Variants in PPM1F observed in about 807,000 individuals in gnomAD.
PPM1F encodes the protein protein phosphatase, Mg2+/Mn2+ dependent 1F, also known as protein phosphatase 1F.
Under a neutral mutation model 35.5 loss-of-function variants are expected in PPM1F, and 17 were observed. The observed-to-expected ratio is 0.48, with a 90% confidence interval of 0.33 to 0.72. The LOEUF is 0.72. PPM1F is among the 30% of genes least tolerant of loss of function. PPM1F has a pLI of 0.02. For synonymous variants in PPM1F, 241 were observed against 255.5 expected (o/e 0.94, Z 0.54); for missense variants, 521 against 613.0 (o/e 0.85, Z 1.59).
chr22:21,938,153 G>T (rs1181637605), intron 3 of PPM1F: 25 of 1,302,854 alleles, frequency 1.9e-5, no homozygotes, highest in African/African-American at 3.0e-5. Context: ...GCCTGCAGGA[G>T]CCCCGAGCGT....
intron 5 of PPM1F, among the ~76,000 whole-genome samples, chr22:21,933,144 C>G (rs918300679): frequency 6.6e-6 from 1 of 152,232 alleles, no homozygotes. Context: ...TTCCCCGAGG[C>G]CAGCAGACCC....
At chr22:21,925,873 C>T in intron 6 of PPM1F, 1 of 463,446 alleles carries the variant, frequency 2.2e-6, no homozygotes, top group African/African-American at 2.0e-5. Flanking sequence ...CCTTTAGTTG[C>T]AGGAATGGTG....
In PPM1F at chr22:21,923,122, T is replaced by C. The variant is rs1438048968; in HGVS notation, c.1335A>G (p.Glu445=). Residue 445 remains glutamate, a synonymous_variant, in exon 8 of 8, where the codon GAA becomes GAG. Transcript: ENST00000263212. The part of the protein sequence containing the change: ...RRQDLPSSLP[E]PETQAPPRS Reference sequence around the variant, plus strand: ...TTCTTGGTGGAGCCTGGGTCTCAGGTTCTGGAAGGCTGGAGGGCAAGTCCT... The same window carrying C: ...TTCTTGGTGGAGCCTGGGTCTCAGGCTCTGGAAGGCTGGAGGGCAAGTCCT... The C allele has an allele frequency of 6.2e-7, 1 of 1,611,346 alleles. No homozygotes were observed. The highest frequency in any genetic ancestry group is 1.1e-5 in the South Asian group (1 of 90,882).
At chr22:21,927,827 C>T (rs925926497) in intron 6 of PPM1F, among the ~76,000 whole-genome samples, 3 of 152,198 alleles carry the variant, frequency 2.0e-5, no homozygotes, top group Admixed American at 2.0e-4. Context: ...CCACCTCCGT[C>T]ACACACTGGC....
intron 4 of PPM1F, 33 bp from the exon 5 acceptor site, chr22:21,933,612 C>A (rs778027980): frequency 3.8e-6 from 6 of 1,585,966 alleles, no homozygotes; most frequent in Middle Eastern, 1.7e-4. Context: ...CACAGACCCG[C>A]GGGACCCAGG....
At chr22:21,947,695 C>A (rs2070790774) in intron 1 of PPM1F, 1 of 152,174 alleles carries the variant, frequency 6.6e-6, no homozygotes, top group Admixed American at 6.5e-5. Context: ...AGAATAGCCA[C>A]AGACTCTGCC....
In PPM1F at chr22:21,945,772, C is replaced by T. The variant is rs1336675308; in HGVS notation, c.206+71G>A. On this transcript the variant is annotated intron_variant, in intron 2 of 7. Transcript: ENST00000263212. Reference sequence around the variant, plus strand: ...TGGGGCTGGACGTGTAGGGGAGCAGCAGCCACATCCCTTGTCGGCCCTGGT... The same window carrying T: ...TGGGGCTGGACGTGTAGGGGAGCAGTAGCCACATCCCTTGTCGGCCCTGGT... The T allele has an allele frequency of 8.1e-6, 12 of 1,489,158 alleles. No homozygotes were observed. In the South Asian group the frequency reaches 1.3e-4, roughly 16 times the overall value. The allele number at this position is 1,489,158 out of a possible 1,614,324, so 92.2% of individuals were successfully genotyped here.
chr22:21,948,941 C>T (rs2145810117), intron 1 of PPM1F: 1 of 152,632 alleles, frequency 6.6e-6, no homozygotes, highest in South Asian at 2.1e-4. Context: ...TGCCTCCTGA[C>T]CTTGGGGTAC....
chr22:21,925,724 TG>T, intron 6 of PPM1F, 62 bp from the exon 7 acceptor site: 1 of 1,371,218 alleles, frequency 7.3e-7, no homozygotes, highest in Non-Finnish European at 9.9e-7. Context: ...AGCCCCCTGC[TG>T]CTACCTGAGC....
Position 21,934,082 on chromosome 22 carries a change from C to A in PPM1F, c.500G>T (p.Arg167Leu). 6.4e-7 allele frequency: 1 copy of A among 1,564,792 alleles called. No individual in the cohort carries two copies. The highest frequency in any genetic ancestry group is 8.7e-7 in the Non-Finnish European group (1 of 1,154,606). ...GGACACGTGCCGGTCCTCCATCTTG[C>A]GGCGAGTGTTCCGGATGGCGTGGAT... is the stretch of plus-strand genomic sequence containing the variant. ...VSIHAIRNTR[R>L]KMEDRHVSLP... is the part of the protein sequence containing the mutation. The change falls in exon 4 of 8, where the codon CGC (arginine) becomes CTC (leucine). Residue 167 changes from arginine to leucine, a missense_variant. By Grantham distance (102) the Arg-to-Leu change is moderately radical. Coordinates refer to ENST00000263212, the MANE Select transcript of PPM1F (RefSeq NM_014634.4).
Position 21,933,501 on chromosome 22 carries a change from C to T in PPM1F, c.637G>A (p.Val213Met), listed in dbSNP as rs369868805. Reference sequence around the variant, plus strand: ...GGCTGGCGGGCAGCGTTGGTGTGCACGTGGACAGCGGCGTACCTCGCAGCA... The same window carrying T: ...GGCTGGCGGGCAGCGTTGGTGTGCATGTGGACAGCGGCGTACCTCGCAGCA... ...VDAARYAAVH[V>M]HTNAARQPEL... The change falls in exon 5 of 8, where the codon GTG (valine) becomes ATG (methionine). Residue 213 changes from valine (V) to methionine (M), a missense_variant. Physicochemically the swap from Val to Met is conservative, Grantham distance 21 (BLOSUM62 1). Around this residue, in one of 3 missense-constraint regions of PPM1F, gnomAD observed 311 missense variants for 351.5 expected, o/e 0.88. Coordinates refer to ENST00000263212, the MANE Select transcript of PPM1F (RefSeq NM_014634.4). 13 of 1,613,586 alleles carry T rather than the reference C, an allele frequency of 8.1e-6. No homozygotes were observed. Among genetic ancestry groups the T allele is most frequent in the Admixed American group, 6.7e-5 (4 of 60,010 alleles).
intron 5 of PPM1F, 101 bp downstream of exon 5, chr22:21,933,290 C>A: frequency 8.8e-7 from 1 of 1,135,834 alleles, no homozygotes; most frequent in Admixed American, 2.5e-5. Context: ...TTAGTGAGGA[C>A]CTTCCAGCAC....
intron 3 of PPM1F, chr22:21,935,175 G>A (rs1251003909): frequency 6.6e-6 from 1 of 152,208 alleles, no homozygotes; most frequent in African/African-American, 2.4e-5. Context: ...TACCACTCAA[G>A]AATGGCAAAG....
chr22:21,927,947 T>TTTTTTTTG (rs2070538726), intron 6 of PPM1F, among the ~76,000 whole-genome samples: 1 of 51,340 alleles, frequency 1.9e-5, no homozygotes, highest in African/African-American at 7.3e-5. Flanking sequence ...GTTTTGTTTT[T>TTTTTTTTG]TTTTTTTTTT....
At chr22:21,929,248 C>A (rs553841780) in intron 6 of PPM1F, among the ~76,000 whole-genome samples, 3 of 152,096 alleles carry the variant, frequency 2.0e-5, no homozygotes, top group Non-Finnish European at 4.4e-5. Flanking sequence ...CAGAGCATGG[C>A]GGCAGGAAAG....
At chr22:21,937,973 G>A in intron 3 of PPM1F, 1 of 737,360 alleles carries the variant, frequency 1.4e-6, no homozygotes, top group Non-Finnish European at 1.9e-6. Flanking sequence ...CCACTCTGAC[G>A]CAATTTTGTA....
rs60327076 is a variant in PPM1F, at chr22:21,925,585, G to C, written c.969C>G (p.Ala323=). The C allele has an allele frequency of 5.0e-6, 8 of 1,613,730 alleles. No individual in the cohort carries two copies. Among genetic ancestry groups the C allele is most frequent in the Non-Finnish European group, 2.5e-6 (3 of 1,179,768 alleles). Residue 323 remains alanine, a synonymous_variant, in exon 7 of 8, where the codon GCC becomes GCG. Transcript: ENST00000263212. The part of the protein sequence containing the change: ...MDCWRVNGTL[A]VSRAIGDVFQ... ...GGCTCTCACCGATGGCTCTGGAGAC[G>C]GCCAGGGTCCCGTTGACTCTCCAGC...
chr22:21,938,543 T>C, intron 3 of PPM1F: 1 of 1,068,064 alleles, frequency 9.4e-7, no homozygotes, highest in South Asian at 2.3e-5. Context: ...TTTCCCCGGA[T>C]GCACGCATGC....
intron 2 of PPM1F, 114 bp downstream of exon 2, chr22:21,945,729 G>C: frequency 9.1e-7 from 1 of 1,096,924 alleles, no homozygotes; most frequent in South Asian, 1.5e-5. Context: ...TAGGGATCCG[G>C]GGCTGCAGAT....
Sources: allele counts gnomAD v4.1 joint callset (sites outside exome capture counted in the v4.1 genomes callset), GRCh38; gene constraint gnomAD v4.1.1; regional missense constraint gnomAD v4.1.1; transcripts MANE v1.5; gene names NCBI Gene and HGNC (gene_info 2026-07-23, HGNC 2026-07-21).